ZNF722: variants seen among roughly 807,000 people sequenced by gnomAD.
ZNF722 encodes zinc finger protein 479 pseudogene.
At chr7:64,015,990 T>C in the ZNF722 span, 1 of 993,166 alleles carries the variant, frequency 1.0e-6, no homozygotes, top group Non-Finnish European at 1.5e-6. Flanking sequence ...ACACTACAAG[T>C]GTAGAGAATA....
chr7:64,010,125 TTC>T, the ZNF722 span, among the ~76,000 whole-genome samples: 20 of 152,266 alleles, frequency 1.3e-4, no homozygotes, highest in African/African-American at 4.8e-4. Context: ...TATTTGATTC[TTC>T]TCTCTTTTAT....
the ZNF722 span, among the ~76,000 whole-genome samples, chr7:64,014,755 G>A: frequency 6.6e-6 from 1 of 152,184 alleles, no homozygotes; most frequent in Admixed American, 6.5e-5. Context: ...GAAGGGCTGT[G>A]TTGGGCAAAT....
chr7:64,005,724 A>G, the ZNF722 span: 4 of 1,575,150 alleles, frequency 2.5e-6, no homozygotes, highest in Admixed American at 7.2e-5. Flanking sequence ...AACTACAGAA[A>G]CCTGGTCTCC....
chr7:64,015,555 A>G, the ZNF722 span: 4 of 1,613,666 alleles, frequency 2.5e-6, no homozygotes, highest in Non-Finnish European at 3.4e-6. Context: ...GAGAATTCAT[A>G]CTGGAGAGAA....
At chr7:64,015,054 C>G in the ZNF722 span, 2 of 1,354,534 alleles carry the variant, frequency 1.5e-6, no homozygotes, top group Non-Finnish European at 2.1e-6. Context: ...CACCCAAGAC[C>G]TTCATCCAGA....
At chr7:64,016,594 G>C in the ZNF722 span, among the ~76,000 whole-genome samples, 1 of 152,124 alleles carries the variant, frequency 6.6e-6, no homozygotes, top group Non-Finnish European at 1.5e-5. Context: ...TAATACTTAA[G>C]AGAAACCCTA....
chr7:64,007,042 C>T, the ZNF722 span, among the ~76,000 whole-genome samples: 1 of 151,454 alleles, frequency 6.6e-6, no homozygotes, highest in Admixed American at 6.6e-5. Flanking sequence ...TTTTCTCAAC[C>T]ATTTACATAG....
chr7:64,008,153 A>C, the ZNF722 span, among the ~76,000 whole-genome samples: 1 of 152,232 alleles, frequency 6.6e-6, no homozygotes, highest in Non-Finnish European at 1.5e-5. Context: ...GCCCTTTGTC[A>C]GATGGGTAGA....
At chr7:64,002,181 C>T in the ZNF722 span, among the ~76,000 whole-genome samples, 2 of 152,040 alleles carry the variant, frequency 1.3e-5, no homozygotes, top group Non-Finnish European at 2.9e-5. Flanking sequence ...GCACCCAGCT[C>T]CTTGTACTAT....
At chr7:64,008,653 A>G in the ZNF722 span, among the ~76,000 whole-genome samples, 2 of 152,114 alleles carry the variant, frequency 1.3e-5, no homozygotes, top group African/African-American at 4.8e-5. Flanking sequence ...GTAGCCTTGT[A>G]GTATAGTTTG....
chr7:64,004,425 A>AAAAAAAAAAAAAAAAAAATAT, the ZNF722 span, among the ~76,000 whole-genome samples: 1 of 61,120 alleles, frequency 1.6e-5, no homozygotes, highest in African/African-American at 8.0e-5. Context: ...AAAAAAAAAA[A>AAAAAAAAAAAAAAAAAAATAT]ATATATATAT....
At chr7:64,013,168 G>T in the ZNF722 span, among the ~76,000 whole-genome samples, 1 of 151,826 alleles carries the variant, frequency 6.6e-6, no homozygotes, top group Non-Finnish European at 1.5e-5. Flanking sequence ...TGTTATTCAG[G>T]CTTTCTGTTT....
chr7:64,011,181 G>A, the ZNF722 span, among the ~76,000 whole-genome samples: 1 of 152,066 alleles, frequency 6.6e-6, no homozygotes, highest in Admixed American at 6.6e-5. Context: ...ACAGCACACT[G>A]ATGGGTCTTG....
chr7:64,009,196 A>T, the ZNF722 span, among the ~76,000 whole-genome samples: 1 of 152,170 alleles, frequency 6.6e-6, no homozygotes, highest in African/African-American at 2.4e-5. Flanking sequence ...GCAGCCAGGG[A>T]CAATTTGACT....
the ZNF722 span, among the ~76,000 whole-genome samples, chr7:64,012,586 T>G: frequency 6.6e-6 from 1 of 152,278 alleles, no homozygotes; most frequent in East Asian, 1.9e-4. Flanking sequence ...GTGCTGAGAT[T>G]ACACCTGTGA....
At chr7:64,014,005 G>T in the ZNF722 span, among the ~76,000 whole-genome samples, 1 of 151,782 alleles carries the variant, frequency 6.6e-6, no homozygotes, top group Non-Finnish European at 1.5e-5. Context: ...TGGTTGTCTC[G>T]GAGGACTAGG....
the ZNF722 span, chr7:64,005,759 C>T: frequency 4.0e-5 from 60 of 1,507,744 alleles, no homozygotes; most frequent in South Asian, 4.6e-4. Flanking sequence ...CTTCAATACA[C>T]AATTCCTAAT....
the ZNF722 span, chr7:64,006,194 T>C: frequency 9.0e-7 from 1 of 1,114,904 alleles, no homozygotes; most frequent in Non-Finnish European, 1.2e-6. Context: ...TCAGCAAGAT[T>C]TATCTTACTT....
At chr7:64,012,400 T>A in the ZNF722 span, among the ~76,000 whole-genome samples, 5 of 152,160 alleles carry the variant, frequency 3.3e-5, no homozygotes, top group Non-Finnish European at 7.4e-5. Flanking sequence ...TTCCTCCCCA[T>A]CTTTGTGGTT....
Sources: gnomAD v4.1 joint callset for allele counts (sites outside exome capture counted in the v4.1 genomes callset) on GRCh38, gnomAD v4.1.1 for gene constraint, MANE v1.5 for transcripts, NCBI Gene and HGNC (gene_info 2026-07-23, HGNC 2026-07-21) for gene names.